ULK4: variants seen among roughly 807,000 people sequenced by gnomAD.
ULK4 encodes unc-51 like kinase 4.
A neutral mutation model predicts 160.6 loss-of-function variants in ULK4; 133 were observed. The ratio of observed to expected loss-of-function variants is 0.83; its 90% confidence interval spans 0.72 to 0.96. The LOEUF (loss-of-function observed/expected upper bound fraction) is 0.96. Ranked by LOEUF, ULK4 falls within the 40% of genes least tolerant of loss-of-function variation. ULK4 has a pLI of 0.00. For missense variants in ULK4, 1,580 were observed against 1,499.5 expected (o/e 1.05, Z -0.89); for synonymous variants, 534 against 539.8 (o/e 0.99, Z 0.15).
intron 32 of ULK4, among the ~76,000 whole-genome samples, chr3:41,506,767 A>AAAAAAAAAAAAAATATATATAAATATAT: frequency 2.6e-4 from 15 of 56,766 alleles, no homozygotes; most frequent in South Asian, 1.3e-3. Context: ...TGTGATTTAA[A>AAAAAAAAAAAAAATATATATAAATATAT]ATATATATAT....
At chr3:41,479,558 G>A (rs927319417) in intron 32 of ULK4, among the ~76,000 whole-genome samples, 1 of 152,052 alleles carries the variant, frequency 6.6e-6, no homozygotes, top group Admixed American at 6.5e-5. Context: ...GTAGAATGGA[G>A]GAAGAAAGGC....
rs115123649 is a variant in ULK4, at chr3:41,752,404, C to T, written c.2321+1957G>A. On this transcript the variant is annotated intron_variant, in intron 22 of 36. Transcript: ENST00000301831. ...ATGGACTAACAGAAACAGGATTCAC[C>T]CTCCCATCTAAAACAACCAAAAAAT... is the stretch of plus-strand genomic sequence containing the variant. Among the ~76,000 whole-genome samples, 574 of 152,170 alleles carry T rather than the reference C, an allele frequency of 3.8e-3. 7 individuals carry two copies. Among genetic ancestry groups the T allele is most frequent in the African/African-American group, 0.013 (540 of 41,496 alleles).
chr3:41,528,609 T>C (rs993347096), intron 32 of ULK4, among the ~76,000 whole-genome samples: 2 of 152,188 alleles, frequency 1.3e-5, no homozygotes, highest in Non-Finnish European at 2.9e-5. Flanking sequence ...CAGTAAATTG[T>C]TGGTTAGCAT....
At chr3:41,618,479 TAAAG>T (rs1422316232) in intron 30 of ULK4, among the ~76,000 whole-genome samples, 1 of 152,152 alleles carries the variant, frequency 6.6e-6, no homozygotes, top group East Asian at 1.9e-4. Flanking sequence ...TCAACATTCT[TAAAG>T]AAAAGAATTT....
intron 35 of ULK4, among the ~76,000 whole-genome samples, chr3:41,365,210 G>A (rs1319555241): frequency 6.6e-6 from 1 of 152,194 alleles, no homozygotes; most frequent in African/African-American, 2.4e-5. Flanking sequence ...TGCCATGAAT[G>A]AGTGTTTCTT....
At chr3:41,794,660 CAAAAAAAA>C (rs71075484) in intron 20 of ULK4, among the ~76,000 whole-genome samples, 2,575 of 18,838 alleles carry the variant, frequency 0.14, 49 homozygotes, top group Non-Finnish European at 0.2. Context: ...GACTCTGTCT[CAAAAAAAA>C]AAAAAAAAAA....
intron 35 of ULK4, among the ~76,000 whole-genome samples, chr3:41,385,227 A>G (rs2081778128): frequency 1.3e-5 from 2 of 152,198 alleles, no homozygotes; most frequent in Admixed American, 6.5e-5. Context: ...TCTTGATTAC[A>G]CAGGTGCCCG....
chr3:41,275,933 A>G (rs2079222047), intron 35 of ULK4, among the ~76,000 whole-genome samples: 1 of 152,260 alleles, frequency 6.6e-6, no homozygotes, highest in Non-Finnish European at 1.5e-5. Flanking sequence ...TAAAGAAGGA[A>G]TATCAACAAA....
chr3:41,444,377 C>T (rs1248494524), intron 34 of ULK4, among the ~76,000 whole-genome samples: 2 of 151,862 alleles, frequency 1.3e-5, no homozygotes, highest in Non-Finnish European at 2.9e-5. Context: ...CTCTCTCTCT[C>T]TCTCTCTCTC....
At chr3:41,937,218 T>G in intron 3 of ULK4, 1 of 539,636 alleles carries the variant, frequency 1.9e-6, no homozygotes, top group African/African-American at 1.9e-5. Flanking sequence ...GTTTTACAGT[T>G]AGGATATTAC....
At chr3:41,657,101 A>C (rs977783510) in intron 30 of ULK4, among the ~76,000 whole-genome samples, 36 of 152,128 alleles carry the variant, frequency 2.4e-4, no homozygotes, top group African/African-American at 8.2e-4. Flanking sequence ...CTATACACTC[A>C]ATAATAAACT....
At chr3:41,774,559 A>G (rs1004270746) in intron 21 of ULK4, among the ~76,000 whole-genome samples, 20 of 148,836 alleles carry the variant, frequency 1.3e-4, no homozygotes, top group Non-Finnish European at 2.1e-4. Flanking sequence ...CGATCATTAA[A>G]AAGTCAGGAA....
intron 31 of ULK4, among the ~76,000 whole-genome samples, chr3:41,571,713 T>C (rs1223726866): frequency 6.6e-5 from 10 of 152,246 alleles, no homozygotes; most frequent in African/African-American, 2.4e-4. Context: ...GATGCTCCTC[T>C]GGGAGAGCCC....
chr3:41,953,706 T>C (rs191631078), intron 2 of ULK4, among the ~76,000 whole-genome samples: 68 of 152,268 alleles, frequency 4.5e-4, no homozygotes, highest in African/African-American at 1.6e-3. Flanking sequence ...GGGAACCTGC[T>C]TGTTTCCTAA....
intron 32 of ULK4, among the ~76,000 whole-genome samples, chr3:41,507,281 C>A (rs899939995): frequency 6.7e-6 from 1 of 150,312 alleles, no homozygotes; most frequent in Non-Finnish European, 1.5e-5. Flanking sequence ...ATTTGAAAAC[C>A]AGCTAAAAAT....
At chr3:41,634,133 TC>T (rs2033859364) in intron 30 of ULK4, among the ~76,000 whole-genome samples, 1 of 152,232 alleles carries the variant, frequency 6.6e-6, no homozygotes, top group African/African-American at 2.4e-5. Flanking sequence ...TTTCATGGGA[TC>T]CTTCTTTCAC....
intron 32 of ULK4, among the ~76,000 whole-genome samples, chr3:41,528,991 A>G (rs1371240528): frequency 1.3e-5 from 2 of 152,218 alleles, no homozygotes; most frequent in Non-Finnish European, 2.9e-5. Flanking sequence ...AAAGTTAACA[A>G]AAAGATTCCT....
intron 3 of ULK4, among the ~76,000 whole-genome samples, chr3:41,936,625 A>T (rs1394946765): frequency 2.0e-5 from 3 of 152,230 alleles, no homozygotes; most frequent in Non-Finnish European, 4.4e-5. Context: ...ACACAGTTGG[A>T]ACTGGAGGTC....
chr3:41,860,053 T>C, intron 17 of ULK4, among the ~76,000 whole-genome samples: 1 of 152,102 alleles, frequency 6.6e-6, no homozygotes, highest in Non-Finnish European at 1.5e-5. Context: ...TTTCTAAAAT[T>C]CTTATTAATT....
Sources: allele counts gnomAD v4.1 joint callset (sites outside exome capture counted in the v4.1 genomes callset), GRCh38; gene constraint gnomAD v4.1.1; transcripts MANE v1.5; gene names NCBI Gene and HGNC (gene_info 2026-07-23, HGNC 2026-07-21).